GC: variants seen among roughly 807,000 people sequenced by gnomAD.
GC encodes vitamin D-binding protein.
GC carries 43 observed loss-of-function variants against 56.7 expected under a neutral mutation model. That is an observed-to-expected ratio of 0.76 (90% confidence interval 0.59 to 0.98). The LOEUF (loss-of-function observed/expected upper bound fraction) is 0.98, where lower values mean the gene tolerates loss of function less well. Ranked by LOEUF, GC falls within the 50% of genes least tolerant of loss-of-function variation. The probability of loss-of-function intolerance (pLI) is 0.00; values close to 1 mark genes in which losing one functional copy is unlikely to be tolerated. For synonymous variants in GC, 216 were observed against 202.7 expected (o/e 1.07, Z -0.56); for missense variants, 529 against 545.9 (o/e 0.97, Z 0.31).
At chr4:71,799,722 G>A (rs1419519551) in intron 1 of GC, among the ~76,000 whole-genome samples, 4 of 152,164 alleles carry the variant, frequency 2.6e-5, no homozygotes, top group Non-Finnish European at 5.9e-5. Flanking sequence ...CTAGCATAGA[G>A]AGCTCTGAAT....
upstream of GC, among the ~76,000 whole-genome samples, chr4:71,805,472 A>T (rs1743343487): frequency 6.6e-6 from 1 of 152,152 alleles, no homozygotes; most frequent in Non-Finnish European, 1.5e-5. Context: ...TATGCAGTGT[A>T]AGAGAAGCTA....
intron 1 of GC, among the ~76,000 whole-genome samples, chr4:71,775,350 G>C (rs2149304261): frequency 6.6e-6 from 1 of 152,026 alleles, no homozygotes; most frequent in South Asian, 2.1e-4. Flanking sequence ...TATAAAATCT[G>C]AAGAAAGTAT....
At chr4:71,743,859 T>C (rs1428126801) in intron 12 of GC, among the ~76,000 whole-genome samples, 4 of 152,082 alleles carry the variant, frequency 2.6e-5, no homozygotes, top group Non-Finnish European at 4.4e-5. Context: ...CCAAAATCCA[T>C]GGAAGGGATA....
chr4:71,758,035 G>A lies in GC; in HGVS notation c.831+7C>T, dbSNP rs371686563. 2 of 1,611,954 alleles carry A rather than the reference G, an allele frequency of 1.2e-6. No homozygotes were observed. Among genetic ancestry groups the A allele is most frequent in the African/African-American group, 2.7e-5 (2 of 74,866 alleles). On this transcript the variant is annotated splice_region_variant and intron_variant, in intron 7 of 12. Transcript: ENST00000273951. ...CATGGTGATAATGATAATAAAGCTTGTCTTACCTCTTTGGCCATGCAATCT... is the reference window on the plus strand; with the variant it reads ...CATGGTGATAATGATAATAAAGCTTATCTTACCTCTTTGGCCATGCAATCT...
At chr4:71,764,028 G>A in intron 4 of GC, 92 bp from the exon 5 acceptor site, 1 of 947,960 alleles carries the variant, frequency 1.1e-6, no homozygotes, top group Non-Finnish European at 1.7e-6. Context: ...TGTCATCTAG[G>A]CTGGAGTACA....
chr4:71,796,022 A>G (rs949919386), intron 1 of GC, among the ~76,000 whole-genome samples: 4 of 152,126 alleles, frequency 2.6e-5, no homozygotes, highest in African/African-American at 9.7e-5. Context: ...CTGCTGAGAG[A>G]TCCGCTGTTA....
At chr4:71,758,830 T>C (rs778384946) in intron 6 of GC, among the ~76,000 whole-genome samples, 2 of 152,162 alleles carry the variant, frequency 1.3e-5, no homozygotes, top group Non-Finnish European at 2.9e-5. Flanking sequence ...ATACATTCAG[T>C]ATTTAAGTAT....
intron 6 of GC, among the ~76,000 whole-genome samples, chr4:71,760,209 A>T (rs1227821270): frequency 8.3e-5 from 12 of 145,444 alleles, no homozygotes; most frequent in Admixed American, 7.4e-4. Flanking sequence ...ATGCCTGGCT[A>T]ATTTTTTTTT....
chr4:71,770,672 G>A (rs972002822), intron 1 of GC, among the ~76,000 whole-genome samples: 4 of 152,190 alleles, frequency 2.6e-5, no homozygotes, highest in African/African-American at 9.6e-5. Context: ...GTAGGAGGAA[G>A]GAGGAAAAGA....
At chr4:71,771,306 G>A (rs1742334216) in intron 1 of GC, among the ~76,000 whole-genome samples, 1 of 151,950 alleles carries the variant, frequency 6.6e-6, no homozygotes, top group Admixed American at 6.6e-5. Flanking sequence ...GGAGGTGGTG[G>A]TGATTAGATA....
At chr4:71,778,665 A>C (rs932996900) in intron 1 of GC, among the ~76,000 whole-genome samples, 2 of 151,888 alleles carry the variant, frequency 1.3e-5, no homozygotes, top group Non-Finnish European at 2.9e-5. Context: ...GACTTAAAGA[A>C]ACTTTGTTGG....
chr4:71,746,994 G>A (rs1385479302), intron 11 of GC, among the ~76,000 whole-genome samples: 5 of 152,000 alleles, frequency 3.3e-5, no homozygotes, highest in Non-Finnish European at 7.4e-5. Context: ...CAAGAATGTA[G>A]AAGAATGTGG....
intron 6 of GC, among the ~76,000 whole-genome samples, chr4:71,760,862 C>G (rs1029878014): frequency 1.3e-5 from 2 of 152,190 alleles, no homozygotes; most frequent in Admixed American, 6.5e-5. Context: ...TGCCTTCCAC[C>G]ATGATTGTGA....
At chr4:71,752,464 G>A (rs1265268334) in intron 11 of GC, 54 bp downstream of exon 11, 2 of 1,419,326 alleles carry the variant, frequency 1.4e-6, no homozygotes, top group Admixed American at 3.7e-5. Flanking sequence ...AGATTGGAGT[G>A]CATACGTTCT....
upstream of GC, among the ~76,000 whole-genome samples, chr4:71,785,521 C>T (rs1468640568): frequency 6.6e-6 from 1 of 151,654 alleles, no homozygotes; most frequent in Non-Finnish European, 1.5e-5. Context: ...TACTGAAAAT[C>T]CTTGGGTGTT....
intron 1 of GC, among the ~76,000 whole-genome samples, chr4:71,797,043 A>C (rs1743123614): frequency 6.6e-6 from 1 of 152,106 alleles, no homozygotes; most frequent in Admixed American, 6.5e-5. Flanking sequence ...TTGCTGCCTG[A>C]TCCTTCCTCT....
At position 71,797,978 on chromosome 4, in the gene GC, A is replaced by G. The variant is rs190409336; in HGVS notation, c.21+5948T>C. ...AAAACTTTAGTTACACATATTCCCA[A>G]TGTTTTGTTAGACCACTTGATATTA... On this transcript the variant is annotated intron_variant, in intron 1 of 13. Coordinates refer to the GC transcript ENST00000504199. Among the ~76,000 whole-genome samples the G allele has an allele frequency of 2.4e-3, 358 of 152,220 alleles. 1 individual carries two copies. The highest frequency in any genetic ancestry group is 4.2e-3 in the Non-Finnish European group (287 of 68,002).
intron 1 of GC, among the ~76,000 whole-genome samples, chr4:71,800,256 G>T (rs1025647070): frequency 1.3e-5 from 2 of 151,868 alleles, no homozygotes; most frequent in African/African-American, 2.4e-5. Context: ...GGCAGGCCCC[G>T]GTGTGTGTTG....
chr4:71,781,013 T>A (rs1366096767), intron 1 of GC, among the ~76,000 whole-genome samples: 5 of 151,900 alleles, frequency 3.3e-5, no homozygotes, highest in Non-Finnish European at 5.9e-5. Context: ...AGACCGGATT[T>A]AAAAAATGTG....
Sources: gnomAD v4.1 joint callset for allele counts (sites outside exome capture counted in the v4.1 genomes callset) on GRCh38, gnomAD v4.1.1 for gene constraint, MANE v1.5 for transcripts, NCBI Gene and HGNC (gene_info 2026-07-23, HGNC 2026-07-21) for gene names.